TCERG1: variants seen among roughly 807,000 people sequenced by gnomAD.
TCERG1 encodes the protein transcription elongation regulator 1, also known as TATA box binding protein (TBP)-associated factor, RNA polymerase II, S, 150kD.
Under a neutral mutation model 144.7 loss-of-function variants are expected in TCERG1, and 37 were observed. That is an observed-to-expected ratio of 0.26 (90% CI 0.20 to 0.34). TCERG1 has a LOEUF of 0.34. TCERG1 is among the 10% of genes least tolerant of loss of function. The pLI is 1.00. For synonymous variants in TCERG1, 492 were observed against 458.2 expected (o/e 1.07, Z -0.94); for missense variants, 1,027 against 1,380.7 (o/e 0.74, Z 4.06).
At chr5:146,501,488 G>A (rs996330400) in intron 17 of TCERG1, among the ~76,000 whole-genome samples, 5 of 152,128 alleles carry the variant, frequency 3.3e-5, no homozygotes, top group Admixed American at 6.5e-5. Context: ...TATAGGTTTC[G>A]TGTCTAATAT....
chr5:146,452,386 AT>A (rs1163671231), intron 1 of TCERG1, among the ~76,000 whole-genome samples: 1 of 152,068 alleles, frequency 6.6e-6, no homozygotes, highest in African/African-American at 2.4e-5. Flanking sequence ...TGTAAAAATA[AT>A]TTTTTTAAGA....
intron 18 of TCERG1, 46 bp downstream of exon 18, chr5:146,503,585 T>G: frequency 6.3e-7 from 1 of 1,596,048 alleles, no homozygotes; most frequent in South Asian, 1.1e-5. Flanking sequence ...ATAATACAAT[T>G]CTTGTGTTTA....
At chr5:146,482,801 A>G (rs1561676008) in intron 14 of TCERG1, 74 bp downstream of exon 14, 1 of 1,474,082 alleles carries the variant, frequency 6.8e-7, no homozygotes. Context: ...TAAAAGGTCA[A>G]ATCTAAGGTT....
intron 15 of TCERG1, among the ~76,000 whole-genome samples, chr5:146,485,020 T>C (rs78607406): frequency 0.016 from 2,454 of 152,358 alleles, 29 homozygotes; most frequent in Non-Finnish European, 0.021. Flanking sequence ...TAAAACTGTT[T>C]AGTGCTTTCC....
Position 146,509,188 on chromosome 5 carries a change from T to G in TCERG1, c.3089T>G (p.Ile1030Ser). 6.2e-7 allele frequency: 1 copy of G among 1,608,582 alleles called. No individual in the cohort carries two copies. Among genetic ancestry groups the G allele is most frequent in the Non-Finnish European group, 8.5e-7 (1 of 1,178,082 alleles). ...EFEEYIRDKY[I>S]TAKADFRTLL... Reference sequence around the variant, plus strand: ...GAAGAATATATCAGAGACAAATATATCACAGCCAAAGCTGACTTCAGGACG... The same window carrying G: ...GAAGAATATATCAGAGACAAATATAGCACAGCCAAAGCTGACTTCAGGACG... The change falls in exon 22 of 23, where the codon ATC becomes AGC. Residue 1030 changes from isoleucine to serine, a missense_variant. By Grantham distance (142) the Ile-to-Ser change is moderately radical. Around this residue, in one of 6 missense-constraint regions of TCERG1, gnomAD observed 133 missense variants for 283.2 expected, o/e 0.47. Coordinates refer to ENST00000679501, the MANE Select transcript of TCERG1 (RefSeq NM_001382548.1).
In TCERG1 at chr5:146,510,749, C is replaced by T. The variant is rs1768397130; in HGVS notation, c.*107C>T. 9.6e-7 allele frequency: 1 copy of T among 1,041,688 alleles called. No individual in the cohort carries two copies. The highest frequency in any genetic ancestry group is 1.3e-6 in the Non-Finnish European group (1 of 741,268). 64.5% of individuals were successfully genotyped at this position (1,041,688 alleles called of 1,614,324 possible). On this transcript the variant is annotated 3_prime_UTR_variant, in exon 23 of 23. Coordinates refer to ENST00000679501, the MANE Select transcript of TCERG1 (RefSeq NM_001382548.1). ...GTCAACCTATTGCGAAACCATCTGACAAACAGAAGGAGAAGCATTTGTGAA... is the reference window on the plus strand; with the variant it reads ...GTCAACCTATTGCGAAACCATCTGATAAACAGAAGGAGAAGCATTTGTGAA...
At chr5:146,493,259 C>A (rs886940404) in intron 16 of TCERG1, among the ~76,000 whole-genome samples, 15 of 151,874 alleles carry the variant, frequency 9.9e-5, no homozygotes, top group African/African-American at 2.9e-4. Context: ...TAAGTGCTTC[C>A]CTATGGGAAT....
intron 16 of TCERG1, among the ~76,000 whole-genome samples, chr5:146,493,378 G>A (rs1390503212): frequency 1.3e-5 from 2 of 151,906 alleles, no homozygotes; most frequent in Non-Finnish European, 2.9e-5. Flanking sequence ...AATTGAAGTG[G>A]TGAAGGACCT....
Position 146,447,365 on chromosome 5 carries a change from G to A in TCERG1, c.16G>A (p.Gly6Arg), listed in dbSNP as rs769435463. 6.2e-7 allele frequency: 1 copy of A among 1,611,576 alleles called. No homozygotes were observed. The highest frequency in any genetic ancestry group is 8.5e-7 in the Non-Finnish European group (1 of 1,179,038). The change falls in exon 1 of 23, where the codon GGG (glycine) becomes AGG (arginine). Residue 6 changes from glycine (G) to arginine (R), a missense_variant. Coordinates refer to ENST00000679501, the MANE Select transcript of TCERG1 (RefSeq NM_001382548.1). Reference sequence around the variant, plus strand: ...GCCCTCTGTAATGGCGGAGCGTGGCGGGGACGGGGGCGAGAGTGAACGATT... The same window carrying A: ...GCCCTCTGTAATGGCGGAGCGTGGCAGGGACGGGGGCGAGAGTGAACGATT... MAERG[G>R]DGGESERFNP...
intron 5 of TCERG1, 44 bp downstream of exon 5, chr5:146,463,837 A>T: frequency 6.2e-7 from 1 of 1,610,846 alleles, no homozygotes; most frequent in South Asian, 1.1e-5. Flanking sequence ...ATGTTTTCAT[A>T]TTGTCAGTTA....
intron 19 of TCERG1, 103 bp from the exon 20 acceptor site, chr5:146,506,925 C>G: frequency 1.0e-6 from 1 of 953,918 alleles, no homozygotes; most frequent in Non-Finnish European, 1.5e-6. Context: ...TAGGTTGATT[C>G]CATATCTTGG....
intron 1 of TCERG1, 106 bp downstream of exon 1, chr5:146,447,514 G>A (rs1761964104): frequency 7.0e-7 from 1 of 1,434,104 alleles, no homozygotes; most frequent in Non-Finnish European, 9.4e-7. Flanking sequence ...TAGCGGAGCC[G>A]GGCGGCCCGG....
intron 22 of TCERG1, 64 bp from the exon 23 acceptor site, chr5:146,510,377 G>T: frequency 8.4e-7 from 1 of 1,183,884 alleles, no homozygotes; most frequent in South Asian, 1.4e-5. Flanking sequence ...GACATTTCCA[G>T]CTCATTTCTG....
At chr5:146,481,029 CTG>C (rs1449129621) in intron 12 of TCERG1, 119 bp from the exon 13 acceptor site, 3 of 202,218 alleles carry the variant, frequency 1.5e-5, no homozygotes, top group Non-Finnish European at 2.6e-5. Flanking sequence ...TTATAAATGA[CTG>C]TATTCATTCT....
At chr5:146,459,849 A>G (rs1022807007) in intron 4 of TCERG1, among the ~76,000 whole-genome samples, 3 of 152,218 alleles carry the variant, frequency 2.0e-5, no homozygotes, top group Admixed American at 1.3e-4. Flanking sequence ...ATTTTCAGGT[A>G]GGAGAAGCAA....
At chr5:146,472,836 C>T (rs933594446) in intron 9 of TCERG1, among the ~76,000 whole-genome samples, 3 of 152,194 alleles carry the variant, frequency 2.0e-5, no homozygotes, top group Non-Finnish European at 4.4e-5. Flanking sequence ...GTCTCAGCTT[C>T]CCAAATAGCT....
intron 1 of TCERG1, among the ~76,000 whole-genome samples, chr5:146,448,528 TGTC>T (rs1408151228): frequency 6.6e-6 from 1 of 152,350 alleles, no homozygotes; most frequent in East Asian, 1.9e-4. Context: ...ATTGTGCTGT[TGTC>T]AACGTTTGAA....
chr5:146,454,010 T>C (rs941777746), intron 1 of TCERG1, among the ~76,000 whole-genome samples: 1 of 141,040 alleles, frequency 7.1e-6, no homozygotes, highest in Non-Finnish European at 1.5e-5. Context: ...ATTGCCAACA[T>C]GGTGAAACCC....
intron 16 of TCERG1, among the ~76,000 whole-genome samples, chr5:146,496,524 A>G (rs938317122): frequency 6.6e-6 from 1 of 152,070 alleles, no homozygotes; most frequent in Non-Finnish European, 1.5e-5. Context: ...TGTTAATCCT[A>G]TCCAGTTAAT....
Sources: allele counts gnomAD v4.1 joint callset (sites outside exome capture counted in the v4.1 genomes callset), GRCh38; gene constraint gnomAD v4.1.1; regional missense constraint gnomAD v4.1.1; transcripts MANE v1.5; gene names NCBI Gene and HGNC (gene_info 2026-07-23, HGNC 2026-07-21).